CD276: variants seen among roughly 807,000 people sequenced by gnomAD.
CD276 encodes the protein CD276 molecule, also known as CD276 antigen.
Under a neutral mutation model 50.0 loss-of-function variants are expected in CD276, and 34 were observed. The observed-to-expected ratio is 0.68, with a 90% confidence interval of 0.52 to 0.91. CD276 has a LOEUF of 0.91. CD276 is among the 40% of genes least tolerant of loss of function. The pLI is 0.00. For missense variants in CD276, 634 were observed against 717.5 expected (o/e 0.88, Z 1.33); for synonymous variants, 275 against 313.0 (o/e 0.88, Z 1.28).
intron 6 of CD276, among the ~76,000 whole-genome samples, chr15:73,705,020 A>G (rs1441772237): frequency 6.6e-6 from 1 of 152,062 alleles, no homozygotes; most frequent in African/African-American, 2.4e-5. Flanking sequence ...GATAGAGGCC[A>G]CCCCTTTAGT....
chr15:73,709,012 G>A (rs1709171448), intron 7 of CD276, among the ~76,000 whole-genome samples: 1 of 152,226 alleles, frequency 6.6e-6, no homozygotes, highest in Admixed American at 6.5e-5. Context: ...TGGGTAAACA[G>A]ATGCATGAGA....
intron 7 of CD276, chr15:73,708,793 CGT>C (rs1439063442): frequency 2.6e-6 from 1 of 380,208 alleles, no homozygotes; most frequent in African/African-American, 2.1e-5. Flanking sequence ...AAGTCAGTCA[CGT>C]GTGTGTGAGA....
At chr15:73,707,484 G>T (rs527710236) in intron 6 of CD276, among the ~76,000 whole-genome samples, 1 of 152,130 alleles carries the variant, frequency 6.6e-6, no homozygotes, top group African/African-American at 2.4e-5. Flanking sequence ...CCCTGGCAAG[G>T]CCCCTGCAGA....
intron 2 of CD276, among the ~76,000 whole-genome samples, chr15:73,700,869 G>A (rs191543609): frequency 0.03 from 275 of 9,050 alleles, no homozygotes; most frequent in African/African-American, 0.1. Flanking sequence ...GTGCCAGGGT[G>A]GGGGGGTTCG....
rs183352366 is a variant in CD276 at position 73,708,750 on chromosome 15, A to G, written c.1504+277A>G. 2.4e-3 allele frequency: 1,131 copies of G among 469,150 alleles called. 12 individuals are homozygous for G. In the Admixed American group the frequency reaches 0.026, roughly 11 times the overall value. 29.1% of individuals were successfully genotyped at this position (469,150 alleles called of 1,614,324 possible). On this transcript the variant is annotated intron_variant, in intron 7 of 9. Transcript: ENST00000318443. ...TAAGGCCAAGTGCTACAAAGGGATGAGTGTGTGCCAACAAGTGTGCCTGTG... is the reference window on the plus strand; with the variant it reads ...TAAGGCCAAGTGCTACAAAGGGATGGGTGTGTGCCAACAAGTGTGCCTGTG...
chr15:73,694,965 A>G (rs1490279845), intron 1 of CD276, among the ~76,000 whole-genome samples: 2 of 152,136 alleles, frequency 1.3e-5, no homozygotes, highest in Non-Finnish European at 1.5e-5. Flanking sequence ...TGCACCACTG[A>G]ACTATGATGG....
At chr15:73,696,745 C>T (rs909167493) in intron 1 of CD276, among the ~76,000 whole-genome samples, 1 of 152,104 alleles carries the variant, frequency 6.6e-6, no homozygotes, top group Admixed American at 6.5e-5. Flanking sequence ...GTCTTGAGTA[C>T]CAGGCAGAGG....
At chr15:73,698,739 TTTA>T (rs201988746) in intron 1 of CD276, among the ~76,000 whole-genome samples, 8,146 of 152,186 alleles carry the variant, frequency 0.054, 743 homozygotes, top group African/African-American at 0.19. Flanking sequence ...TATTTGTATT[TTTA>T]GTAGAGATGG....
intron 1 of CD276, chr15:73,686,444 C>A: frequency 4.7e-6 from 1 of 214,006 alleles, no homozygotes; most frequent in Non-Finnish European, 8.0e-6. Context: ...TGTTCATATA[C>A]CTGACAGCTG....
At chr15:73,684,329 T>C (rs886598867), upstream of CD276, 2 of 151,624 alleles carry the variant, frequency 1.3e-5, no homozygotes, top group Admixed American at 1.3e-4. Flanking sequence ...TCAGGCGGAT[T>C]CTCCGGCGCG....
Position 73,713,757 on chromosome 15 carries a change from G to A in CD276, c.*801G>A. 1 of 435,150 alleles carries A rather than the reference G, an allele frequency of 2.3e-6. No homozygotes were observed. The highest frequency in any genetic ancestry group is 1.6e-5 in the South Asian group (1 of 61,086). 27.0% of individuals were successfully genotyped at this position (435,150 alleles called of 1,614,324 possible). A position where few individuals can be genotyped will look rare whatever the true frequency, so the allele number is the denominator to read the frequency against. Reference sequence around the variant, plus strand: ...GTGCTGGTCACACTGGTTCTCCAGGGGTCTGTGATGGGGCCCCTGGGGGTC... The same window carrying A: ...GTGCTGGTCACACTGGTTCTCCAGGAGTCTGTGATGGGGCCCCTGGGGGTC... On this transcript the variant is annotated 3_prime_UTR_variant, in exon 10 of 10. Coordinates refer to ENST00000318443, the MANE Select transcript of CD276 (RefSeq NM_001024736.2).
Position 73,704,500 on chromosome 15 carries a change from GACGGAGCGAGTAACTCCCTCTTT to G in CD276, c.1369+31_1369+53del. The G allele has an allele frequency of 6.3e-7, 1 of 1,595,590 alleles. No homozygotes were observed. Among genetic ancestry groups the G allele is most frequent in the Non-Finnish European group, 8.5e-7 (1 of 1,169,772 alleles). On this transcript the variant is annotated intron_variant, in intron 6 of 9. Coordinates refer to ENST00000318443, the MANE Select transcript of CD276 (RefSeq NM_001024736.2). The surrounding 1 kb of genome is among the most constrained non-coding windows in gnomAD (Gnocchi z 4.1). Reference sequence around the variant, plus strand: ...AAGGGCAGATGAACAGCTGGGGAAGGACGGAGCGAGTAACTCCCTCTTTACTGGACCCTAACGTGGAATTTCCA... The same window carrying G: ...AAGGGCAGATGAACAGCTGGGGAAGGACTGGACCCTAACGTGGAATTTCCA...
intron 1 of CD276, among the ~76,000 whole-genome samples, chr15:73,691,264 G>A (rs977371125): frequency 2.6e-5 from 4 of 151,964 alleles, no homozygotes; most frequent in Admixed American, 1.3e-4. Flanking sequence ...TACCTAGGCA[G>A]TCTATGTGTG....
rs1325434594 is a variant in CD276 at position 73,702,418 on chromosome 15, G to A, written c.243G>A (p.Glu81=). ...AACAGCTGGTGCACAGCTTTGCTGA[G>A]GGCCAGGACCAGGGCAGCGCCTATG... ...DTKQLVHSFA[E]GQDQGSAYAN... Residue 81 remains glutamate, a synonymous_variant, in exon 3 of 10, where the codon GAG becomes GAA. Coordinates refer to ENST00000318443, the MANE Select transcript of CD276 (RefSeq NM_001024736.2). 4.3e-6 allele frequency: 7 copies of A among 1,613,768 alleles called. No homozygotes were observed. In the Admixed American group the frequency reaches 1.0e-4, roughly 23 times the overall value.
rs1243448980 is a variant in CD276, at chr15:73,702,299, G to T, written c.124G>T (p.Val42Leu). 3.7e-6 allele frequency: 6 copies of T among 1,613,118 alleles called. No individual in the cohort carries two copies. The East Asian group carries it at 8.9e-5, about 24-fold the overall frequency. ...CCCTGAAGACCCAGTGGTGGCACTG[G>T]TGGGCACCGATGCCACCCTGTGCTG... ...QVPEDPVVAL[V>L]GTDATLCCSF... Residue 42 changes from valine to leucine, a missense_variant, in exon 3 of 10, where the codon GTG (valine) becomes TTG (leucine). Physicochemically the swap from Val to Leu is conservative, Grantham distance 32. Coordinates refer to ENST00000318443, the MANE Select transcript of CD276 (RefSeq NM_001024736.2).
chr15:73,685,995 CCG>C (rs1899746618), intron 1 of CD276, among the ~76,000 whole-genome samples: 1 of 152,130 alleles, frequency 6.6e-6, no homozygotes, highest in Non-Finnish European at 1.5e-5. Context: ...TAACTGTTGA[CCG>C]TGGAAATTTA....
At chr15:73,701,956 T>G (rs1339852025) in intron 2 of CD276, among the ~76,000 whole-genome samples, 1 of 152,216 alleles carries the variant, frequency 6.6e-6, no homozygotes, top group Non-Finnish European at 1.5e-5. Flanking sequence ...CATACCTTAG[T>G]CACATGCTGA....
At chr15:73,690,449 G>A (rs1451079287) in intron 1 of CD276, among the ~76,000 whole-genome samples, 8 of 152,184 alleles carry the variant, frequency 5.3e-5, no homozygotes, top group Admixed American at 5.2e-4. Flanking sequence ...ACCACAGCCT[G>A]GGTAATATAT....
rs200772917 is a variant in CD276 at position 73,711,111 on chromosome 15, G to A, written c.1547-24G>A. 1.4e-5 allele frequency: 23 copies of A among 1,613,692 alleles called. No individual in the cohort carries two copies. In the East Asian group the frequency reaches 1.6e-4, roughly 11 times the overall value. ...CACTTCCCATGGTTCCTCCCTCACC[G>A]TGTGCGCCTTCCTTTTTTTACAGCC... On this transcript the variant is annotated intron_variant, in intron 8 of 9. Coordinates refer to ENST00000318443, the MANE Select transcript of CD276 (RefSeq NM_001024736.2).
Sources: allele counts gnomAD v4.1 joint callset (sites outside exome capture counted in the v4.1 genomes callset), GRCh38; gene constraint gnomAD v4.1.1; non-coding constraint Gnocchi (gnomAD v3.1); transcripts MANE v1.5; gene names NCBI Gene and HGNC (gene_info 2026-07-23, HGNC 2026-07-21).